FGGY: variants seen among roughly 807,000 people sequenced by gnomAD.
FGGY encodes FGGY carbohydrate kinase domain-containing protein.
FGGY carries 72 observed loss-of-function variants against 71.3 expected under a neutral mutation model. That is an observed-to-expected ratio of 1.01 (90% CI 0.84 to 1.23). FGGY has a LOEUF of 1.23. Ranked by LOEUF, FGGY falls within the 50% of genes most tolerant of loss-of-function variation. The probability of loss-of-function intolerance (pLI) is 0.00; values close to 1 mark genes in which losing one functional copy is unlikely to be tolerated. For synonymous variants in FGGY, 251 were observed against 250.3 expected (o/e 1.00, Z -0.02); for missense variants, 668 against 682.3 (o/e 0.98, Z 0.23).
At chr1:59,373,579 A>G (rs2058099133) in intron 4 of FGGY, among the ~76,000 whole-genome samples, 1 of 152,182 alleles carries the variant, frequency 6.6e-6, no homozygotes, top group African/African-American at 2.4e-5. Flanking sequence ...ATGGAACCAA[A>G]AAAGAGCCCG....
intron 14 of FGGY, among the ~76,000 whole-genome samples, chr1:59,698,244 T>C (rs2097679011): frequency 6.6e-6 from 1 of 152,128 alleles, no homozygotes; most frequent in African/African-American, 2.4e-5. Context: ...ATTGATAAGG[T>C]TCTGCATGTC....
chr1:59,644,699 C>CG (rs2097073642), intron 11 of FGGY, among the ~76,000 whole-genome samples: 1 of 151,732 alleles, frequency 6.6e-6, no homozygotes, highest in Non-Finnish European at 1.5e-5. Context: ...GAATATAGGC[C>CG]GGGTGCGGTG....
At chr1:59,525,119 A>G (rs12732719) in intron 7 of FGGY, among the ~76,000 whole-genome samples, 22,039 of 152,232 alleles carry the variant, frequency 0.14, 3,058 homozygotes, top group African/African-American at 0.37. Context: ...GCAGCACATC[A>G]GATCCAGCTG....
chr1:59,372,983 C>T (rs1033404888), intron 4 of FGGY, among the ~76,000 whole-genome samples: 2 of 152,140 alleles, frequency 1.3e-5, no homozygotes, highest in Non-Finnish European at 2.9e-5. Context: ...GGAAGCATTC[C>T]ATTTGAAAAC....
At chr1:59,375,449 C>G (rs1413064684) in intron 4 of FGGY, among the ~76,000 whole-genome samples, 1 of 152,158 alleles carries the variant, frequency 6.6e-6, no homozygotes, top group Non-Finnish European at 1.5e-5. Flanking sequence ...ATATTGCTAT[C>G]TTCCCTTCTG....
chr1:59,544,501 G>A (rs567893267), intron 7 of FGGY, among the ~76,000 whole-genome samples: 2 of 152,248 alleles, frequency 1.3e-5, no homozygotes, highest in South Asian at 4.2e-4. Flanking sequence ...TTAATGACCT[G>A]CTTTAGGGGA....
At chr1:59,467,662 C>T (rs902068691) in intron 6 of FGGY, among the ~76,000 whole-genome samples, 3 of 152,032 alleles carry the variant, frequency 2.0e-5, no homozygotes, top group Non-Finnish European at 2.9e-5. Flanking sequence ...GATGACATTA[C>T]AGTTACACTT....
At chr1:59,656,638 T>C (rs980060873) in intron 11 of FGGY, among the ~76,000 whole-genome samples, 2 of 152,230 alleles carry the variant, frequency 1.3e-5, no homozygotes, top group African/African-American at 4.8e-5. Flanking sequence ...TTCAATACCA[T>C]GGCTCTAGTG....
At chr1:59,644,937 A>C (rs958606351) in intron 11 of FGGY, among the ~76,000 whole-genome samples, 4 of 151,812 alleles carry the variant, frequency 2.6e-5, no homozygotes, top group Non-Finnish European at 5.9e-5. Flanking sequence ...AGATCACGCC[A>C]CTGCATTCCA....
rs148242663 is a variant in FGGY at position 59,644,837 on chromosome 1, C to T, written c.1221+6462C>T. ...CTAAAAATACAAAAAATTGGCTGTG[C>T]GTGGTGGCACACACCTATGGTCCCA... is the stretch of plus-strand genomic sequence containing the variant. On this transcript the variant is annotated intron_variant, in intron 11 of 15. Transcript: ENST00000303721. Among the ~76,000 whole-genome samples, 1,274 of 152,076 alleles carry T rather than the reference C, an allele frequency of 8.4e-3. 6 individuals carry two copies. Among genetic ancestry groups the T allele is most frequent in the Non-Finnish European group, 0.014 (945 of 67,980 alleles).
chr1:59,497,254 G>A (rs1238071996), intron 6 of FGGY, among the ~76,000 whole-genome samples: 1 of 152,300 alleles, frequency 6.6e-6, no homozygotes, highest in East Asian at 1.9e-4. Context: ...AGTGCTTGAA[G>A]TGTGCTGGTT....
chr1:59,467,071 A>G (rs1312570622), intron 6 of FGGY, among the ~76,000 whole-genome samples: 1 of 152,184 alleles, frequency 6.6e-6, no homozygotes, highest in Admixed American at 6.5e-5. Context: ...TTGGGGCACT[A>G]TTCACAATAG....
At chr1:59,432,059 G>A (rs1450273926) in intron 5 of FGGY, among the ~76,000 whole-genome samples, 3 of 152,120 alleles carry the variant, frequency 2.0e-5, no homozygotes, top group Non-Finnish European at 4.4e-5. Flanking sequence ...CCACCAGGAG[G>A]GGAGAGAGGC....
intron 6 of FGGY, among the ~76,000 whole-genome samples, chr1:59,468,133 C>T (rs2092742691): frequency 1.3e-5 from 2 of 152,034 alleles, no homozygotes; most frequent in South Asian, 4.2e-4. Context: ...GAACTCTCGA[C>T]CTCAAGTGAT....
At position 59,607,786 on chromosome 1, in the gene FGGY, T is replaced by C. The variant is rs778265157; in HGVS notation, c.904-17T>C. ...TGAGAGTCAATGTTTTCACATATTTTCCATCTTTCTTTCCAGATCAGCAAA... is the reference window on the plus strand; with the variant it reads ...TGAGAGTCAATGTTTTCACATATTTCCCATCTTTCTTTCCAGATCAGCAAA... On this transcript the variant is annotated splice_polypyrimidine_tract_variant and intron_variant, in intron 8 of 15. Coordinates refer to ENST00000303721, the MANE Select transcript of FGGY (RefSeq NM_018291.5). 5 of 1,598,636 alleles carry C rather than the reference T, an allele frequency of 3.1e-6. No homozygotes were observed. Among genetic ancestry groups the C allele is most frequent in the Non-Finnish European group, 4.3e-6 (5 of 1,166,690 alleles).
At chr1:59,413,101 G>A (rs1217655794) in intron 5 of FGGY, among the ~76,000 whole-genome samples, 3 of 152,220 alleles carry the variant, frequency 2.0e-5, no homozygotes, top group African/African-American at 7.2e-5. Flanking sequence ...CAAGCTGGCA[G>A]ATTTCTATCC....
chr1:59,646,704 C>T (rs1200114102), intron 11 of FGGY, among the ~76,000 whole-genome samples: 4 of 152,042 alleles, frequency 2.6e-5, no homozygotes, highest in Non-Finnish European at 4.4e-5. Context: ...TCACAACAAC[C>T]GTGCAAGACA....
chr1:59,598,571 C>T (rs896194948), intron 8 of FGGY, among the ~76,000 whole-genome samples: 5 of 152,164 alleles, frequency 3.3e-5, no homozygotes, highest in Admixed American at 3.3e-4. Flanking sequence ...CCTCCCCACC[C>T]ACTCAGATTG....
intron 5 of FGGY, among the ~76,000 whole-genome samples, chr1:59,397,052 AAAAG>A (rs1280241064): frequency 7.2e-6 from 1 of 138,508 alleles, no homozygotes; most frequent in East Asian, 2.1e-4. Context: ...TTTTTTTTTT[AAAAG>A]AAAGGTATCT....
Sources: allele counts gnomAD v4.1 joint callset (sites outside exome capture counted in the v4.1 genomes callset), GRCh38; gene constraint gnomAD v4.1.1; transcripts MANE v1.5; gene names NCBI Gene and HGNC (gene_info 2026-07-23, HGNC 2026-07-21).